Variants in RUNX3 observed in about 807,000 individuals in gnomAD.
The protein encoded by RUNX3 is runt-related transcription factor 3.
In RUNX3, 10 loss-of-function variants were observed where a neutral mutation model predicts 27.7. The observed-to-expected ratio is 0.36, with a 90% CI of 0.22 to 0.61. The LOEUF (loss-of-function observed/expected upper bound fraction) is 0.61, where lower values mean the gene tolerates loss of function less well. Among genes scored for constraint, RUNX3 ranks in the 20% least tolerant of loss-of-function variants. The probability of loss-of-function intolerance (pLI) is 0.72; values close to 1 mark genes in which losing one functional copy is unlikely to be tolerated. For missense variants in RUNX3, 469 were observed against 629.5 expected (o/e 0.75, Z 2.73); for synonymous variants, 270 against 269.2 (o/e 1.00, Z -0.03).
intron 2 of RUNX3, among the ~76,000 whole-genome samples, chr1:24,947,729 C>G (rs1434104262): frequency 6.6e-6 from 1 of 152,238 alleles, no homozygotes; most frequent in South Asian, 2.1e-4. Context: ...TCCCCACAAC[C>G]CAGAGAGCTA....
intron 2 of RUNX3, among the ~76,000 whole-genome samples, chr1:24,950,014 A>T (rs557822839): frequency 1.3e-5 from 2 of 152,200 alleles, no homozygotes; most frequent in Non-Finnish European, 2.9e-5. Flanking sequence ...CACTTGCAGA[A>T]ACTCAACAGG....
chr1:24,964,484 C>T, intron 2 of RUNX3: 2 of 1,580,764 alleles, frequency 1.3e-6, no homozygotes, highest in South Asian at 1.1e-5. Context: ...CACAGCTCCC[C>T]ACCCAGGGCC....
In RUNX3 at chr1:24,907,317, G is replaced by A. The variant is rs755942977; in HGVS notation, c.645C>T (p.Pro215=). Residue 215 remains proline (P), a synonymous_variant, in exon 4 of 5, where the codon CCC becomes CCT. Coordinates refer to ENST00000308873, the MANE Select transcript of RUNX3 (RefSeq NM_004350.3). ...RMRVTPSTPS[P]RGSLSTTSHF... ...GGCTTGTGGTGCTGAGTGAGCCTCG[G>A]GGGCTGGGTGTGCTCGGTGTCACCC... The A allele has an allele frequency of 5.6e-6, 9 of 1,613,218 alleles. No homozygotes were observed. Among genetic ancestry groups the A allele is most frequent in the Non-Finnish European group, 5.9e-6 (7 of 1,180,006 alleles).
At chr1:24,925,759 T>C (rs1641086761) in intron 2 of RUNX3, among the ~76,000 whole-genome samples, 1 of 151,966 alleles carries the variant, frequency 6.6e-6, no homozygotes, top group African/African-American at 2.4e-5. Context: ...TATGGACCTC[T>C]GAGAGGAGAT....
At position 24,930,095 on chromosome 1, in the gene RUNX3, C is replaced by A; in HGVS notation, c.-227G>T. On this transcript the variant is annotated 5_prime_UTR_variant, in exon 1 of 5. Transcript: ENST00000308873. The surrounding 1 kb of genome is among the most constrained non-coding windows in gnomAD (Gnocchi z 4.1). Reference sequence around the variant, plus strand: ...GCCGCCCGCAGCCTGCCCGGCTAGTCCCGCATCCTCGGCGCGCGGCCCCGC... The same window carrying A: ...GCCGCCCGCAGCCTGCCCGGCTAGTACCGCATCCTCGGCGCGCGGCCCCGC... The A allele has an allele frequency of 3.1e-6, 3 of 979,952 alleles. No homozygotes were observed. Among genetic ancestry groups the A allele is most frequent in the Non-Finnish European group, 3.6e-6 (3 of 827,810 alleles). The allele number at this position is 979,952 out of a possible 1,614,324, so 60.7% of individuals were successfully genotyped here.
In RUNX3 at chr1:24,901,655, G is replaced by A. The variant is rs1039075075; in HGVS notation, c.*467C>T. On this transcript the variant is annotated 3_prime_UTR_variant, in exon 5 of 5. Transcript: ENST00000308873. ...CTCAAATCTGTGTAAATGCAGAGGG[G>A]GCTGGACCCAGGGGATGCAGGGGCT... The A allele has an allele frequency of 3.1e-5, 5 of 163,924 alleles. No homozygotes were observed. The highest frequency in any genetic ancestry group is 1.2e-4 in the African/African-American group (5 of 41,666). 10.2% of individuals were successfully genotyped at this position (163,924 alleles called of 1,614,324 possible). A position where few individuals can be genotyped will look rare whatever the true frequency, so the allele number is the denominator to read the frequency against.
chr1:24,911,899 A>G (rs1369934089), intron 3 of RUNX3, among the ~76,000 whole-genome samples: 2 of 152,218 alleles, frequency 1.3e-5, no homozygotes, highest in Non-Finnish European at 2.9e-5. Context: ...CGTAGGGCAG[A>G]CTTCCCGGAG....
Position 24,962,369 on chromosome 1 carries a change from A to G in RUNX3, c.58+2145T>C, listed in dbSNP as rs2124393204. ...AACGCAACTCCGAGGAGGAACCTGA[A>G]GGTTCCCTGAGACTGCCAAGGGTCG... On this transcript the variant is annotated intron_variant, in intron 2 of 6. Transcript: ENST00000338888. The surrounding 1 kb of genome is among the most constrained non-coding windows in gnomAD (Gnocchi z 4.5). The G allele has an allele frequency of 6.6e-6, 1 of 152,350 alleles. No homozygotes were observed. Among genetic ancestry groups the G allele is most frequent in the South Asian group, 2.1e-4 (1 of 4,828 alleles). The allele number at this position is 152,350 out of a possible 1,614,324, so 9.4% of individuals were successfully genotyped here. A position where few individuals can be genotyped will look rare whatever the true frequency, so the allele number is the denominator to read the frequency against.
chr1:24,942,118 G>A (rs1206059286), intron 2 of RUNX3, among the ~76,000 whole-genome samples: 4 of 152,158 alleles, frequency 2.6e-5, no homozygotes, highest in East Asian at 1.9e-4. Flanking sequence ...GCCCCCATCC[G>A]TGTCCTCAGG....
intron 2 of RUNX3, among the ~76,000 whole-genome samples, chr1:24,953,976 G>A (rs771141493): frequency 5.9e-5 from 9 of 152,092 alleles, no homozygotes; most frequent in African/African-American, 1.9e-4. Context: ...GCAGTGGCAC[G>A]ATCATAGTTC....
Position 24,916,398 on chromosome 1 carries a change from G to A in RUNX3, c.544+2842C>T, listed in dbSNP as rs994539312. On this transcript the variant is annotated intron_variant, in intron 3 of 4. Transcript: ENST00000308873. The surrounding 1 kb of genome is among the most constrained non-coding windows in gnomAD (Gnocchi z 4.8). Reference sequence around the variant, plus strand: ...GTGGCCCTCACTTCCCGCAGCCCCCGGGTCGGAGCCCCCAGGGTGTGCTGA... The same window carrying A: ...GTGGCCCTCACTTCCCGCAGCCCCCAGGTCGGAGCCCCCAGGGTGTGCTGA... 3.5e-5 allele frequency among the ~76,000 whole-genome samples: 5 copies of A among 144,106 alleles called. No homozygotes were observed. Among genetic ancestry groups the A allele is most frequent in the Non-Finnish European group, 5.9e-5 (4 of 67,988 alleles). The allele number at this position is 144,106 out of a possible 152,430, so 94.5% of individuals were successfully genotyped here. A position where few individuals can be genotyped will look rare whatever the true frequency, so the allele number is the denominator to read the frequency against.
At chr1:24,956,095 C>T (rs955656646) in intron 2 of RUNX3, among the ~76,000 whole-genome samples, 1 of 152,200 alleles carries the variant, frequency 6.6e-6, no homozygotes, top group African/African-American at 2.4e-5. Context: ...CTCCACAGCC[C>T]GACAGGGCAG....
At chr1:24,938,301 T>C (rs1641394822) in intron 2 of RUNX3, among the ~76,000 whole-genome samples, 1 of 152,228 alleles carries the variant, frequency 6.6e-6, no homozygotes, top group Non-Finnish European at 1.5e-5. Flanking sequence ...TTCAACATTC[T>C]AGAATTCCAT....
At chr1:24,905,106 G>C (rs530290374) in intron 4 of RUNX3, among the ~76,000 whole-genome samples, 1 of 152,114 alleles carries the variant, frequency 6.6e-6, no homozygotes, top group Non-Finnish European at 1.5e-5. Flanking sequence ...CAATATTGGA[G>C]GGTCAAAGCA....
Position 24,902,712 on chromosome 1 carries a change from C to T in RUNX3, c.704-46G>A, listed in dbSNP as rs979008031. The T allele has an allele frequency of 6.9e-7, 1 of 1,455,638 alleles. No homozygotes were observed. Among genetic ancestry groups the T allele is most frequent in the Non-Finnish European group, 9.2e-7 (1 of 1,090,968 alleles). 90.2% of individuals were successfully genotyped at this position (1,455,638 alleles called of 1,614,324 possible). ...GGTCAGTTCCAGCTCGAGACAACCC[C>T]AGGAGGGCTTCCTGAAGAATGACCT... On this transcript the variant is annotated intron_variant, in intron 4 of 4. Transcript: ENST00000308873. The surrounding 1 kb of genome is among the most constrained non-coding windows in gnomAD (Gnocchi z 9.2).
intron 3 of RUNX3, among the ~76,000 whole-genome samples, chr1:24,910,934 T>G (rs994286713): frequency 6.6e-6 from 1 of 151,930 alleles, no homozygotes; most frequent in Non-Finnish European, 1.5e-5. Context: ...GCAAGTGGGA[T>G]GGGTGGGGCC....
chr1:24,914,313 C>T (rs12087803), intron 3 of RUNX3, among the ~76,000 whole-genome samples: 2,503 of 152,338 alleles, frequency 0.016, 89 homozygotes, highest in African/African-American at 0.056. Context: ...TTCTTGGCCG[C>T]CTGGTGCGGC....
At chr1:24,925,805 A>C (rs1392705209) in intron 2 of RUNX3, among the ~76,000 whole-genome samples, 1 of 152,040 alleles carries the variant, frequency 6.6e-6, no homozygotes, top group African/African-American at 2.4e-5. Flanking sequence ...AGCCTCTTGC[A>C]TCTCCCAGAG....
chr1:24,905,789 C>T (rs1035061137), intron 4 of RUNX3, among the ~76,000 whole-genome samples: 3 of 152,282 alleles, frequency 2.0e-5, no homozygotes, highest in Admixed American at 6.5e-5. Context: ...GGCTGGCTCT[C>T]AGGCTACTGC....
Sources: gnomAD v4.1 joint callset for allele counts (sites outside exome capture counted in the v4.1 genomes callset) on GRCh38, gnomAD v4.1.1 for gene constraint, Gnocchi (gnomAD v3.1) non-coding constraint, MANE v1.5 for transcripts, NCBI Gene and HGNC (gene_info 2026-07-23, HGNC 2026-07-21) for gene names.